Variants in CHM observed in about 807,000 individuals in gnomAD.
CHM encodes the protein rab proteins geranylgeranyltransferase component A 1.
A neutral mutation model predicts 49.0 loss-of-function variants in CHM; 10 were observed. That is an observed-to-expected ratio of 0.20 (90% CI 0.13 to 0.35). CHM has a LOEUF of 0.35. Among genes scored for constraint, CHM ranks in the 10% least tolerant of loss-of-function variants. The pLI is 1.00. For missense variants in CHM, 455 were observed against 478.4 expected (o/e 0.95, Z 0.46); for synonymous variants, 184 against 167.5 (o/e 1.10, Z -0.76).
chrX:85,918,101 A>G (rs1042437378), intron 8 of CHM, among the ~76,000 whole-genome samples: 3 of 111,105 alleles, frequency 2.7e-5, no homozygotes, highest in African/African-American at 9.8e-5. Context: ...CAATCCCCAA[A>G]ACACAGTCAT....
chrX:86,028,956 T>A (rs1274839661), intron 1 of CHM, among the ~76,000 whole-genome samples: 1 of 111,748 alleles, frequency 8.9e-6, no homozygotes, highest in East Asian at 2.8e-4. Flanking sequence ...AAAAGCAATA[T>A]GCATATGGAA....
At chrX:85,868,111 G>A (rs1923824455) in intron 14 of CHM, among the ~76,000 whole-genome samples, 1 of 110,032 alleles carries the variant, frequency 9.1e-6, no homozygotes, top group African/African-American at 3.3e-5. Context: ...GAAGAATCCT[G>A]TCATTTATGA....
chrX:85,886,680 G>T (rs2148134503), intron 12 of CHM, among the ~76,000 whole-genome samples: 1 of 110,868 alleles, frequency 9.0e-6, no homozygotes, highest in Non-Finnish European at 1.9e-5. Context: ...ACTGAGAACA[G>T]AACAACTTGC....
intron 2 of CHM, among the ~76,000 whole-genome samples, chrX:86,001,213 C>A (rs2147746791): frequency 9.0e-6 from 1 of 111,430 alleles, no homozygotes; most frequent in African/African-American, 3.3e-5. Context: ...GGACAATGCC[C>A]CTTTTTTAAA....
At position 85,880,904 on chromosome X, in the gene CHM, A is replaced by T. The variant is rs373186183; in HGVS notation, c.1511-1841T>A. 8.0e-5 allele frequency among the ~76,000 whole-genome samples: 9 copies of T among 111,806 alleles called. No individual in the cohort carries two copies. In the East Asian group the frequency reaches 2.5e-3, roughly 31 times the overall value. On this transcript the variant is annotated intron_variant, in intron 12 of 14. Transcript: ENST00000357749. The stretch of plus-strand genomic sequence containing the variant: ...TCCTGCTTTTCCTGTTACCTAGGTC[A>T]CCTTCTAGTATAGATTACTGAATTC...
chrX:85,977,640 T>A (rs947695464), intron 4 of CHM, among the ~76,000 whole-genome samples: 54 of 112,272 alleles, frequency 4.8e-4, no homozygotes, highest in African/African-American at 1.6e-3. Context: ...TACCAAATAT[T>A]TATTCCTCAT....
chrX:85,873,779 A>G (rs752064524), intron 13 of CHM, among the ~76,000 whole-genome samples: 156 of 111,608 alleles, frequency 1.4e-3, no homozygotes, highest in Non-Finnish European at 2.3e-3. Flanking sequence ...GGTGAATCAT[A>G]TGGTATATGA....
chrX:85,867,118 T>C (rs1308822817), intron 14 of CHM, among the ~76,000 whole-genome samples: 1 of 111,613 alleles, frequency 9.0e-6, no homozygotes. Context: ...TGGCTCTATG[T>C]CCCTACCCAA....
chrX:85,945,031 G>A (rs773094926), intron 8 of CHM, among the ~76,000 whole-genome samples: 5 of 111,354 alleles, frequency 4.5e-5, no homozygotes, highest in Non-Finnish European at 7.5e-5. Context: ...AACGCAGGAA[G>A]AGAAAACCAA....
intron 2 of CHM, chrX:86,027,198 A>T (rs1291766040): frequency 6.7e-6 from 2 of 300,549 alleles, no homozygotes; most frequent in Non-Finnish European, 1.2e-5. Context: ...GAGGTTTCCA[A>T]GCCTCTTGGA....
chrX:85,914,382 C>G (rs1927329436), intron 8 of CHM, among the ~76,000 whole-genome samples: 1 of 111,202 alleles, frequency 9.0e-6, no homozygotes. Flanking sequence ...TCTGGCCACA[C>G]CTGCTTGCAG....
intron 13 of CHM, among the ~76,000 whole-genome samples, chrX:85,876,478 T>G (rs1410345066): frequency 8.9e-6 from 1 of 111,891 alleles, no homozygotes; most frequent in Non-Finnish European, 1.9e-5. Context: ...AAGTTCATAT[T>G]GCTCATAAAG....
Position 85,863,141 on chromosome X carries a change from G to A in CHM, c.*1489C>T. The A allele has an allele frequency of 9.0e-6, 1 of 110,855 alleles. No individual in the cohort carries two copies. The allele number at this position is 110,855 out of a possible 1,213,427, so 9.1% of individuals were successfully genotyped here. A position where few individuals can be genotyped will look rare whatever the true frequency, so the allele number is the denominator to read the frequency against. On this transcript the variant is annotated 3_prime_UTR_variant, in exon 15 of 15. Coordinates refer to ENST00000357749, the MANE Select transcript of CHM (RefSeq NM_000390.4). ...AGAGTCTTGCTCTGTCACCCAGGCT[G>A]GAGTGCAGTGGCAAAATCTTGGCTC...
chrX:85,962,412 A>G (rs1930342930), intron 5 of CHM, among the ~76,000 whole-genome samples: 1 of 112,353 alleles, frequency 8.9e-6, no homozygotes, highest in Admixed American at 9.4e-5. Flanking sequence ...TCAGACACAG[A>G]GTGCTACATG....
chrX:85,992,950 T>C (rs1235138036), intron 2 of CHM, among the ~76,000 whole-genome samples: 4 of 111,776 alleles, frequency 3.6e-5, no homozygotes, highest in African/African-American at 1.3e-4. Flanking sequence ...TCAAATCCGT[T>C]TATAGACAAC....
At chrX:85,892,398 C>A (rs913936828) in intron 12 of CHM, among the ~76,000 whole-genome samples, 3 of 110,791 alleles carry the variant, frequency 2.7e-5, no homozygotes, top group African/African-American at 9.9e-5. Flanking sequence ...GTAACTGAAT[C>A]ATGGGGGCCG....
chrX:85,900,436 G>A (rs1393105894), intron 11 of CHM, among the ~76,000 whole-genome samples: 1 of 111,328 alleles, frequency 9.0e-6, no homozygotes, highest in Non-Finnish European at 1.9e-5. Context: ...GAGATCTAAT[G>A]TACAGTACAA....
At chrX:85,956,101 G>A in intron 8 of CHM, 52 bp downstream of exon 8, 2 of 1,042,442 alleles carry the variant, frequency 1.9e-6, no homozygotes, top group Non-Finnish European at 2.7e-6. Flanking sequence ...ATTTTCATCT[G>A]TTATTCAAGT....
At position 85,873,153 on chromosome X, in the gene CHM, A is replaced by C. The variant is rs1205115767; in HGVS notation, c.1669T>G (p.Ser557Ala). Reference protein sequence around the residue: ...LWALYFNMRDSSDISRSCYND... With the variant: ...LWALYFNMRDASDISRSCYND... ...TAACAGCTCCTGCTGATGTCTGACG[A>C]ATCTCTCATATTGAAGTAAAGAGCC... Residue 557 changes from serine (S) to alanine (A), a missense_variant, in exon 14 of 15, where the codon TCG becomes GCG. Coordinates refer to ENST00000357749, the MANE Select transcript of CHM (RefSeq NM_000390.4). 1.7e-6 allele frequency: 2 copies of C among 1,204,169 alleles called. No homozygotes were observed. Among genetic ancestry groups the C allele is most frequent in the Admixed American group, 4.4e-5 (2 of 45,685 alleles).
Sources: allele counts gnomAD v4.1 joint callset (sites outside exome capture counted in the v4.1 genomes callset), GRCh38; gene constraint gnomAD v4.1.1; transcripts MANE v1.5; gene names NCBI Gene and HGNC (gene_info 2026-07-23, HGNC 2026-07-21).